Variants in AKNA observed in about 807,000 individuals in gnomAD.
AKNA encodes microtubule organization protein AKNA.
In AKNA, 67 loss-of-function variants were observed where a neutral mutation model predicts 138.8. The ratio of observed to expected loss-of-function variants is 0.48; its 90% confidence interval spans 0.40 to 0.59. The LOEUF (loss-of-function observed/expected upper bound fraction) is 0.59. AKNA is among the 20% of genes least tolerant of loss of function. AKNA has a pLI of 0.00. For synonymous variants in AKNA, 737 were observed against 754.4 expected, an observed-to-expected ratio of 0.98 and a Z score of 0.38; for missense variants, 1,813 against 1,880.4, an observed-to-expected ratio of 0.96 and a Z score of 0.66.
At chr9:114,332,850 G>A (rs1475888921), downstream of AKNA, among the ~76,000 whole-genome samples, 1 of 152,196 alleles carries the variant, frequency 6.6e-6, no homozygotes, top group Non-Finnish European at 1.5e-5. Flanking sequence ...TGGTTCTTAA[G>A]GGTCTGAGCT....
chr9:114,351,951 T>C (rs565564571), intron 14 of AKNA, among the ~76,000 whole-genome samples: 5 of 152,322 alleles, frequency 3.3e-5, no homozygotes, highest in African/African-American at 7.2e-5. Flanking sequence ...TCCAGAGAAT[T>C]ATGCTGAGTG....
At chr9:114,359,515 C>A (rs1831763593) in intron 11 of AKNA, 79 bp downstream of exon 11, 2 of 1,609,784 alleles carry the variant, frequency 1.2e-6, no homozygotes, top group African/African-American at 2.7e-5. Flanking sequence ...GAAGCGCTGT[C>A]TTATTCACTC....
intron 15 of AKNA, among the ~76,000 whole-genome samples, chr9:114,348,210 G>A (rs1830835806): frequency 6.6e-6 from 1 of 152,172 alleles, no homozygotes; most frequent in African/African-American, 2.4e-5. Flanking sequence ...TGGAGACAAG[G>A]ATGCAGCATA....
downstream of AKNA, chr9:114,331,000 C>T (rs181964019): frequency 5.2e-3 from 3,488 of 669,978 alleles, 19 homozygotes; most frequent in Non-Finnish European, 7.9e-3. Flanking sequence ...TTACCACGTG[C>T]TCAGAAAAAA....
At chr9:114,388,484 C>T (rs535600920), upstream of AKNA, among the ~76,000 whole-genome samples, 4 of 152,198 alleles carry the variant, frequency 2.6e-5, no homozygotes, top group Non-Finnish European at 5.9e-5. Flanking sequence ...CTCAGGGAGA[C>T]CGTGGTGATT....
At chr9:114,360,755 G>C (rs968413441) in intron 9 of AKNA, among the ~76,000 whole-genome samples, 1 of 152,124 alleles carries the variant, frequency 6.6e-6, no homozygotes, top group Non-Finnish European at 1.5e-5. Context: ...GAGTTGGGAG[G>C]CATAGAGACC....
Position 114,337,035 on chromosome 9 carries a change from C to CCT in AKNA, c.*18_*19insAG. On this transcript the variant is annotated 3_prime_UTR_variant, in exon 22 of 22. Transcript: ENST00000374088. Reference sequence around the variant, plus strand: ...CCTGCCCACCCACCCACCCATCTGCCTCTGGGCCCCCAGTGAAGTCAGAAG... The same window carrying CCT: ...CCTGCCCACCCACCCACCCATCTGCCCTTCTGGGCCCCCAGTGAAGTCAGAAG... 1 of 1,331,122 alleles carries CCT rather than the reference C, an allele frequency of 7.5e-7. No homozygotes were observed. Among genetic ancestry groups the CCT allele is most frequent in the South Asian group, 1.8e-5 (1 of 55,166 alleles). 82.5% of individuals were successfully genotyped at this position (1,331,122 alleles called of 1,614,324 possible).
intron 4 of AKNA, among the ~76,000 whole-genome samples, chr9:114,370,515 C>A (rs1402343019): frequency 6.6e-6 from 1 of 151,986 alleles, no homozygotes; most frequent in Admixed American, 6.6e-5. Context: ...CCAGGCAGAG[C>A]GATGAGGTGG....
intron 5 of AKNA, 160 bp downstream of exon 5, chr9:114,368,279 T>C: frequency 1.3e-6 from 1 of 788,528 alleles, no homozygotes; most frequent in Non-Finnish European, 1.7e-6. Context: ...ACTTTCCACA[T>C]CTCTGACCCT....
At chr9:114,338,727 A>G (rs1047488699) in intron 21 of AKNA, among the ~76,000 whole-genome samples, 1 of 152,102 alleles carries the variant, frequency 6.6e-6, no homozygotes, top group Non-Finnish European at 1.5e-5. Context: ...CTGTTTTCCC[A>G]CCTAAAACGA....
Position 114,387,855 on chromosome 9 carries a change from C to T in AKNA, c.-114+5G>A, listed in dbSNP as rs757015073. The T allele has an allele frequency of 2.2e-6, 1 of 453,368 alleles. No individual in the cohort carries two copies. The highest frequency in any genetic ancestry group is 1.6e-5 in the South Asian group (1 of 64,246). The allele number at this position is 453,368 out of a possible 1,614,324, so 28.1% of individuals were successfully genotyped here. ...CCCGGGCCCTCCTCCGTTCCAATCCCTTACCTCTCTCGGGCTCCACCACCG... is the reference window on the plus strand; with the variant it reads ...CCCGGGCCCTCCTCCGTTCCAATCCTTTACCTCTCTCGGGCTCCACCACCG... On this transcript the variant is annotated splice_donor_5th_base_variant and intron_variant, in intron 1 of 21. Transcript: ENST00000374088.
intron 1 of AKNA, among the ~76,000 whole-genome samples, chr9:114,382,766 T>C (rs1195530006): frequency 6.6e-6 from 1 of 152,084 alleles, no homozygotes; most frequent in Non-Finnish European, 1.5e-5. Context: ...ATAGGAAATA[T>C]CCAGGCAAGG....
At position 114,368,433 on chromosome 9, in the gene AKNA, A is replaced by C; in HGVS notation, c.1573+6T>G. 1 of 1,316,206 alleles carries C rather than the reference A, an allele frequency of 7.6e-7. No individual in the cohort carries two copies. Among genetic ancestry groups the C allele is most frequent in the Non-Finnish European group, 9.8e-7 (1 of 1,024,058 alleles). 81.5% of individuals were successfully genotyped at this position (1,316,206 alleles called of 1,614,324 possible). A position where few individuals can be genotyped will look rare whatever the true frequency, so the allele number is the denominator to read the frequency against. ...CCTCCAGCTGCAGCTCTTCTCCCGG[A>C]CTCACCTGAGGCCGCAGAGGCCTGG... On this transcript the variant is annotated splice_donor_region_variant and intron_variant, in intron 5 of 21. Transcript: ENST00000374088.
At chr9:114,363,093 A>G (rs1832092841) in intron 7 of AKNA, among the ~76,000 whole-genome samples, 1 of 152,232 alleles carries the variant, frequency 6.6e-6, no homozygotes, top group Non-Finnish European at 1.5e-5. Context: ...AATCATAATG[A>G]GAGGGGTGAT....
upstream of AKNA, among the ~76,000 whole-genome samples, chr9:114,390,359 C>T (rs1589045876): frequency 1.3e-5 from 2 of 152,256 alleles, no homozygotes; most frequent in African/African-American, 2.4e-5. Context: ...CCTCCAAACC[C>T]ACCCCTCCTT....
At chr9:114,343,600 C>T in intron 19 of AKNA, 108 bp downstream of exon 19, 1 of 1,132,780 alleles carries the variant, frequency 8.8e-7, no homozygotes, top group Admixed American at 1.9e-5. Flanking sequence ...CCCTATAACC[C>T]ACTGCTAAGT....
intron 14 of AKNA, among the ~76,000 whole-genome samples, chr9:114,355,378 C>T (rs181486947): frequency 1.9e-3 from 292 of 151,788 alleles, no homozygotes; most frequent in Non-Finnish European, 2.7e-3. Context: ...GGTTTCACCA[C>T]GTTGGCCAGG....
chr9:114,331,904 A>G, downstream of AKNA: 2 of 1,613,866 alleles, frequency 1.2e-6, no homozygotes, highest in Non-Finnish European at 1.7e-6. Context: ...CCCAGGTCAG[A>G]TGTCATGTAC....
At chr9:114,364,683 G>A in intron 6 of AKNA, 64 bp from the exon 7 acceptor site, 1 of 1,533,934 alleles carries the variant, frequency 6.5e-7, no homozygotes, top group Admixed American at 1.7e-5. Context: ...CCCACACCCA[G>A]CCACATCTAT....
Sources: allele counts gnomAD v4.1 joint callset (sites outside exome capture counted in the v4.1 genomes callset), GRCh38; gene constraint gnomAD v4.1.1; transcripts MANE v1.5; gene names NCBI Gene and HGNC (gene_info 2026-07-23, HGNC 2026-07-21).